Variants in CACNG3 observed in about 807,000 individuals in gnomAD.
CACNG3 encodes voltage-dependent calcium channel gamma-3 subunit.
CACNG3 carries 3 observed loss-of-function variants against 28.5 expected under a neutral mutation model. The ratio of observed to expected loss-of-function variants is 0.11; its 90% confidence interval spans 0.05 to 0.27. The LOEUF (loss-of-function observed/expected upper bound fraction) is 0.27, where lower values mean the gene tolerates loss of function less well. Among genes scored for constraint, CACNG3 ranks in the 10% least tolerant of loss-of-function variants. The pLI, the probability that CACNG3 is intolerant of heterozygous loss-of-function variation, is 1.00. For synonymous variants in CACNG3, 174 were observed against 162.2 expected (o/e 1.07, Z -0.55); for missense variants, 236 against 414.4 (o/e 0.57, Z 3.74).
At chr16:24,277,371 G>T (rs1472053261) in intron 1 of CACNG3, among the ~76,000 whole-genome samples, 3 of 152,182 alleles carry the variant, frequency 2.0e-5, no homozygotes, top group African/African-American at 7.2e-5. Context: ...AGATCTAGCA[G>T]GTGATATCAG....
rs553753439 is a variant in CACNG3, at chr16:24,261,928, T to C, written c.211+4963T>C. Among the ~76,000 whole-genome samples, 321 of 152,332 alleles carry C rather than the reference T, an allele frequency of 2.1e-3. 1 individual carries two copies. The highest frequency in any genetic ancestry group is 3.9e-3 in the Admixed American group (59 of 15,300). ...AACCTTCAGGGAAGCTGCAAAGATG[T>C]GGTTGAGGATGGAGGTGAGGAAAAG... On this transcript the variant is annotated intron_variant, in intron 1 of 3. Coordinates refer to ENST00000005284, the MANE Select transcript of CACNG3 (RefSeq NM_006539.4).
chr16:24,320,428 T>C (rs1160671522), intron 1 of CACNG3, among the ~76,000 whole-genome samples: 1 of 152,228 alleles, frequency 6.6e-6, no homozygotes, highest in Admixed American at 6.5e-5. Context: ...AATAAGTCCA[T>C]GTGATGACCT....
intron 1 of CACNG3, among the ~76,000 whole-genome samples, chr16:24,276,249 T>A (rs1004995743): frequency 2.0e-5 from 3 of 152,238 alleles, no homozygotes; most frequent in Non-Finnish European, 1.5e-5. Flanking sequence ...ATAGTTATTT[T>A]TATACAAATA....
intron 2 of CACNG3, among the ~76,000 whole-genome samples, chr16:24,351,819 C>T (rs1899950967): frequency 7.9e-6 from 1 of 126,026 alleles, no homozygotes; most frequent in South Asian, 2.5e-4. Flanking sequence ...CTTCCATCTT[C>T]TCTCTCTCTC....
chr16:24,281,748 G>A (rs1442345275), intron 1 of CACNG3, among the ~76,000 whole-genome samples: 1 of 152,198 alleles, frequency 6.6e-6, no homozygotes, highest in East Asian at 1.9e-4. Context: ...TTATTGACCA[G>A]TTGCTACATG....
intron 1 of CACNG3, among the ~76,000 whole-genome samples, chr16:24,285,812 G>A (rs905596633): frequency 2.7e-5 from 4 of 150,168 alleles, no homozygotes; most frequent in African/African-American, 9.8e-5. Flanking sequence ...CTATCCTTCT[G>A]GTTCTATAGG....
At chr16:24,273,160 G>A (rs1898710978) in intron 1 of CACNG3, among the ~76,000 whole-genome samples, 1 of 152,184 alleles carries the variant, frequency 6.6e-6, no homozygotes. Flanking sequence ...GGCTTTTCAT[G>A]AGAAGCATCC....
intron 1 of CACNG3, among the ~76,000 whole-genome samples, chr16:24,330,484 A>G (rs1596645547): frequency 6.6e-6 from 1 of 152,226 alleles, no homozygotes; most frequent in Admixed American, 6.5e-5. Context: ...CAGAGGCTGG[A>G]GCACCTCCTG....
intron 1 of CACNG3, among the ~76,000 whole-genome samples, chr16:24,271,702 G>A (rs949207496): frequency 2.0e-5 from 3 of 152,170 alleles, no homozygotes; most frequent in African/African-American, 7.2e-5. Flanking sequence ...AGGCAGACAT[G>A]GTTCCTGTCT....
At chr16:24,299,105 C>CTTAAGGAG (rs1407927276) in intron 1 of CACNG3, among the ~76,000 whole-genome samples, 1 of 152,138 alleles carries the variant, frequency 6.6e-6, no homozygotes, top group African/African-American at 2.4e-5. Context: ...ACAGCCCACA[C>CTTAAGGAG]TTAAGGAGTA....
At chr16:24,328,744 T>C (rs1364264271) in intron 1 of CACNG3, among the ~76,000 whole-genome samples, 1 of 152,132 alleles carries the variant, frequency 6.6e-6, no homozygotes, top group Non-Finnish European at 1.5e-5. Context: ...GAGCATCAGC[T>C]GCAAAGGCCT....
At chr16:24,308,047 C>T (rs146608090) in intron 1 of CACNG3, among the ~76,000 whole-genome samples, 77 of 152,240 alleles carry the variant, frequency 5.1e-4, no homozygotes, top group African/African-American at 1.7e-3. Flanking sequence ...TTTGCAGAGA[C>T]GGGCTGACTC....
At chr16:24,358,450 C>T (rs1021041002) in intron 3 of CACNG3, among the ~76,000 whole-genome samples, 2 of 152,172 alleles carry the variant, frequency 1.3e-5, no homozygotes, top group African/African-American at 4.8e-5. Context: ...CAGAGTGGTG[C>T]CTATCATCCA....
chr16:24,295,129 C>T lies in CACNG3; in HGVS notation c.211+38164C>T, dbSNP rs540485046. ...CCACCTGCCAGTTTAGCAAGAAGTC[C>T]AATTTCTCCCACCTTGGGTCTCTTC... On this transcript the variant is annotated intron_variant, in intron 1 of 3. Transcript: ENST00000005284. 1.2e-4 allele frequency among the ~76,000 whole-genome samples: 19 copies of T among 152,262 alleles called. No individual in the cohort carries two copies. The South Asian group carries it at 3.7e-3, about 30-fold the overall frequency.
rs1898463178 is a variant in CACNG3 at position 24,256,575 on chromosome 16, AC to A, written c.-179del. 2 of 603,432 alleles carry A rather than the reference AC, an allele frequency of 3.3e-6. No individual in the cohort carries two copies. The highest frequency in any genetic ancestry group is 5.9e-6 in the Non-Finnish European group (2 of 337,802). The allele number at this position is 603,432 out of a possible 1,614,324, so 37.4% of individuals were successfully genotyped here. ...CCGAGGGCCATAGGCGACCCAGGGA[AC>A]TGGAGAGAGCTCCAGAAAGGAAATC... On this transcript the variant is annotated 5_prime_UTR_variant, in exon 1 of 4. The change creates a new upstream start codon in the 5' untranslated region. Transcript: ENST00000005284. This position sits in a 1 kb window ranked among gnomAD's most constrained non-coding sequence, Gnocchi z 4.6.
chr16:24,342,834 C>A (rs1037560718), intron 1 of CACNG3, among the ~76,000 whole-genome samples: 4 of 151,786 alleles, frequency 2.6e-5, no homozygotes, highest in African/African-American at 9.7e-5. Context: ...ATGCAAAAAC[C>A]ATTCTTGGCT....
intron 1 of CACNG3, among the ~76,000 whole-genome samples, chr16:24,274,695 T>C (rs992335310): frequency 3.3e-5 from 5 of 152,190 alleles, no homozygotes; most frequent in African/African-American, 9.6e-5. Flanking sequence ...CCTTAAGGAA[T>C]AGATGTTCTA....
intron 1 of CACNG3, among the ~76,000 whole-genome samples, chr16:24,295,795 G>C (rs1281768282): frequency 6.6e-6 from 1 of 152,148 alleles, no homozygotes; most frequent in East Asian, 1.9e-4. Context: ...GCTACAGTGA[G>C]CTATGTTGTG....
chr16:24,315,391 A>G (rs1228000687), intron 1 of CACNG3, among the ~76,000 whole-genome samples: 1 of 151,446 alleles, frequency 6.6e-6, no homozygotes, highest in Non-Finnish European at 1.5e-5. Flanking sequence ...TACTCTGATT[A>G]CCACCCTCAA....
Sources: gnomAD v4.1 joint callset for allele counts (sites outside exome capture counted in the v4.1 genomes callset) on GRCh38, gnomAD v4.1.1 for gene constraint, Gnocchi (gnomAD v3.1) non-coding constraint, MANE v1.5 for transcripts, NCBI Gene and HGNC (gene_info 2026-07-23, HGNC 2026-07-21) for gene names.